The following RTL10 variants were observed in gnomAD, a reference collection of about 807,000 sequenced individuals.
RTL10 encodes retrotransposon Gag like 10, also known as protein Bop.
For missense variants in RTL10, 477 were observed against 470.7 expected (o/e 1.01, Z -0.12); for synonymous variants, 199 against 188.4 (o/e 1.06, Z -0.46).
rs191617472 is a variant in RTL10, at chr22:19,850,825, G to T, written c.*342C>A. The T allele has an allele frequency of 3.8e-6, 5 of 1,304,778 alleles. No individual in the cohort carries two copies. The East Asian group carries it at 1.4e-4, about 37-fold the overall frequency. The allele number at this position is 1,304,778 out of a possible 1,614,324, so 80.8% of individuals were successfully genotyped here. A position where few individuals can be genotyped will look rare whatever the true frequency, so the allele number is the denominator to read the frequency against. ...GACACCAAGGGGGGTGTTTTATGGG[G>T]GTGGAGGTGACAAAGATGATGCAAC... On this transcript the variant is annotated 3_prime_UTR_variant, in exon 3 of 3. Coordinates refer to ENST00000328554, the MANE Select transcript of RTL10 (RefSeq NM_024627.6).
At chr22:19,854,634 T>G (rs1230578195) in intron 1 of RTL10, 26 bp downstream of exon 1, 1 of 152,260 alleles carries the variant, frequency 6.6e-6, no homozygotes, top group African/African-American at 2.4e-5. Flanking sequence ...TGTCTCCAGG[T>G]GCCCCCACAA....
Position 19,847,979 on chromosome 22 carries a change from T to C in RTL10, c.*3188A>G, listed in dbSNP as rs1316490637. On this transcript the variant is annotated 3_prime_UTR_variant, in exon 3 of 3. Coordinates refer to ENST00000328554, the MANE Select transcript of RTL10 (RefSeq NM_024627.6). The stretch of plus-strand genomic sequence containing the variant: ...CTGAATAATCCATTTTACTCGTTAA[T>C]TGGAAACACCTCTAGCCTGTACTAA... The C allele has an allele frequency of 8.1e-6, 8 of 985,088 alleles. No individual in the cohort carries two copies. Among genetic ancestry groups the C allele is most frequent in the South Asian group, 9.4e-5 (2 of 21,288 alleles). The allele number at this position is 985,088 out of a possible 1,614,324, so 61.0% of individuals were successfully genotyped here.
rs1261833841 is a variant in RTL10, at chr22:19,849,680, G to A, written c.*1487C>T. The A allele has an allele frequency of 1.0e-6, 1 of 984,914 alleles. No individual in the cohort carries two copies. Among genetic ancestry groups the A allele is most frequent in the Admixed American group, 6.1e-5 (1 of 16,268 alleles). 61.0% of individuals were successfully genotyped at this position (984,914 alleles called of 1,614,324 possible). A position where few individuals can be genotyped will look rare whatever the true frequency, so the allele number is the denominator to read the frequency against. On this transcript the variant is annotated 3_prime_UTR_variant, in exon 3 of 3. Transcript: ENST00000328554. ...CTGCTCCCGGCCAGTTTCTGAATAA[G>A]TTTAATCAGATGCTTGCTAATTAGT...
At position 19,850,086 on chromosome 22, in the gene RTL10, C is replaced by G; in HGVS notation, c.*1081G>C. 1.0e-6 allele frequency: 1 copy of G among 985,816 alleles called. No individual in the cohort carries two copies. Among genetic ancestry groups the G allele is most frequent in the Non-Finnish European group, 1.2e-6 (1 of 830,276 alleles). 61.1% of individuals were successfully genotyped at this position (985,816 alleles called of 1,614,324 possible). A position where few individuals can be genotyped will look rare whatever the true frequency, so the allele number is the denominator to read the frequency against. ...CCACCCACCCCCTACTCAGCCCCACCCAGCTTCTTTGATCAGACCCTTGGA... is the reference window on the plus strand; with the variant it reads ...CCACCCACCCCCTACTCAGCCCCACGCAGCTTCTTTGATCAGACCCTTGGA... On this transcript the variant is annotated 3_prime_UTR_variant, in exon 3 of 3. Coordinates refer to ENST00000328554, the MANE Select transcript of RTL10 (RefSeq NM_024627.6).
At position 19,850,974 on chromosome 22, in the gene RTL10, G is replaced by A. The variant is rs2145905878; in HGVS notation, c.*193C>T. 1 of 1,408,774 alleles carries A rather than the reference G, an allele frequency of 7.1e-7. No individual in the cohort carries two copies. The highest frequency in any genetic ancestry group is 2.5e-5 in the East Asian group (1 of 39,238). The allele number at this position is 1,408,774 out of a possible 1,614,324, so 87.3% of individuals were successfully genotyped here. ...AGCAGCAGGGAAAGGGCACAGGGCGGAGGTCAAGCTCTGCTGGAGTTGGGG... is the reference window on the plus strand; with the variant it reads ...AGCAGCAGGGAAAGGGCACAGGGCGAAGGTCAAGCTCTGCTGGAGTTGGGG... On this transcript the variant is annotated 3_prime_UTR_variant, in exon 3 of 3. Coordinates refer to ENST00000328554, the MANE Select transcript of RTL10 (RefSeq NM_024627.6).
rs1284857714 is a variant in RTL10, at chr22:19,851,968, C to A, written c.294G>T (p.Trp98Cys). The A allele has an allele frequency of 3.7e-6, 6 of 1,614,020 alleles. No individual in the cohort carries two copies. The highest frequency in any genetic ancestry group is 1.6e-4 in the Middle Eastern group (1 of 6,084). The part of the protein sequence containing the change: ...SSRPHRVDFC[W>C]VPGSDPGTFD... ...AGGTGCCTGGGTCTGAGCCTGGTAC[C>A]CAGCAGAAGTCCACCCTGTGGGGTC... The change falls in exon 3 of 3, where the codon TGG becomes TGT. Residue 98 changes from tryptophan to cysteine, a missense_variant. By Grantham distance (215) the Trp-to-Cys change is radical. Transcript: ENST00000328554.
Position 19,846,443 on chromosome 22 carries a change from C to T in RTL10, c.*4724G>A. ...CCAAGGCTTGGCCATCCCCACTCCT[C>T]AGTATGGGCCCCAGAACCCAGGGCC... On this transcript the variant is annotated 3_prime_UTR_variant, in exon 3 of 3. Transcript: ENST00000328554. 2 of 985,362 alleles carry T rather than the reference C, an allele frequency of 2.0e-6. No individual in the cohort carries two copies. Among genetic ancestry groups the T allele is most frequent in the Non-Finnish European group, 2.4e-6 (2 of 829,846 alleles). The allele number at this position is 985,362 out of a possible 1,614,324, so 61.0% of individuals were successfully genotyped here.
chr22:19,848,307 AC>A lies in RTL10; in HGVS notation c.*2859del. 2 of 985,318 alleles carry A rather than the reference AC, an allele frequency of 2.0e-6. No individual in the cohort carries two copies. Among genetic ancestry groups the A allele is most frequent in the Non-Finnish European group, 2.4e-6 (2 of 829,918 alleles). 61.0% of individuals were successfully genotyped at this position (985,318 alleles called of 1,614,324 possible). On this transcript the variant is annotated 3_prime_UTR_variant, in exon 3 of 3. Transcript: ENST00000328554. The stretch of plus-strand genomic sequence containing the variant: ...GCCCGTCCCTGAGCATGTCCAGCAA[AC>A]CCTGCCAGGCTCTGCAGCTCCTGAG...
In RTL10 at chr22:19,847,803, G is replaced by GGAAAAAAAA. The variant is rs1468350618; in HGVS notation, c.*3363_*3364insTTTTTTTTC. On this transcript the variant is annotated 3_prime_UTR_variant, in exon 3 of 3. Coordinates refer to ENST00000328554, the MANE Select transcript of RTL10 (RefSeq NM_024627.6). ...AACTTTTAAAATCCTGGAATCATAGGCAAAAAAAAAAAAAAAAAAAAATTC... is the reference window on the plus strand; with the variant it reads ...AACTTTTAAAATCCTGGAATCATAGGGAAAAAAAACAAAAAAAAAAAAAAAAAAAAATTC... 6 of 440,432 alleles carry GGAAAAAAAA rather than the reference G, an allele frequency of 1.4e-5. No homozygotes were observed. In the African/African-American group the frequency reaches 2.6e-4, roughly 19 times the overall value. 27.3% of individuals were successfully genotyped at this position (440,432 alleles called of 1,614,324 possible). A position where few individuals can be genotyped will look rare whatever the true frequency, so the allele number is the denominator to read the frequency against.
chr22:19,847,170 G>A lies in RTL10; in HGVS notation c.*3997C>T. On this transcript the variant is annotated 3_prime_UTR_variant, in exon 3 of 3. Coordinates refer to ENST00000328554, the MANE Select transcript of RTL10 (RefSeq NM_024627.6). ...TTTCCCCTGCCTCAGTGAGCATGGA[G>A]AAATATGTCCAGGTAGGCTGTCGTC... is the stretch of plus-strand genomic sequence containing the variant. 2 of 985,444 alleles carry A rather than the reference G, an allele frequency of 2.0e-6. No individual in the cohort carries two copies. Among genetic ancestry groups the A allele is most frequent in the Non-Finnish European group, 2.4e-6 (2 of 829,930 alleles). The allele number at this position is 985,444 out of a possible 1,614,324, so 61.0% of individuals were successfully genotyped here. A position where few individuals can be genotyped will look rare whatever the true frequency, so the allele number is the denominator to read the frequency against.
rs11705143 is a variant in RTL10 at position 19,849,182 on chromosome 22, C to A, written c.*1985G>T. ...CAGCTCACTTGCTTTGCTACCAGGGCTATACCTGCTTTCTAAAAATAGCTT... is the reference window on the plus strand; with the variant it reads ...CAGCTCACTTGCTTTGCTACCAGGGATATACCTGCTTTCTAAAAATAGCTT... On this transcript the variant is annotated 3_prime_UTR_variant, in exon 3 of 3. Transcript: ENST00000328554. 0.083 allele frequency: 81,464 copies of A among 985,118 alleles called. 4,520 individuals are homozygous for A. Among genetic ancestry groups the A allele is most frequent in the African/African-American group, 0.25 (14,327 of 57,248 alleles). 61.0% of individuals were successfully genotyped at this position (985,118 alleles called of 1,614,324 possible).
At chr22:19,852,896 G>C (rs1938143447) in intron 2 of RTL10, among the ~76,000 whole-genome samples, 1 of 152,162 alleles carries the variant, frequency 6.6e-6, no homozygotes, top group Non-Finnish European at 1.5e-5. Flanking sequence ...AGCAAAAACT[G>C]GCTGGAGAGA....
At chr22:19,852,970 A>G (rs1601360218) in intron 2 of RTL10, among the ~76,000 whole-genome samples, 1 of 152,176 alleles carries the variant, frequency 6.6e-6, no homozygotes, top group Non-Finnish European at 1.5e-5. Context: ...AGTAGGCTCT[A>G]GCCGCCCCAA....
chr22:19,851,633 G>A lies in RTL10; in HGVS notation c.629C>T (p.Pro210Leu). 6.3e-7 allele frequency: 1 copy of A among 1,593,902 alleles called. No individual in the cohort carries two copies. Among genetic ancestry groups the A allele is most frequent in the South Asian group, 1.1e-5 (1 of 88,458 alleles). The change falls in exon 3 of 3, where the codon CCT becomes CTT. Residue 210 changes from proline (P) to leucine (L), a missense_variant. Physicochemically the swap from Pro to Leu is moderately conservative, Grantham distance 98. Coordinates refer to ENST00000328554, the MANE Select transcript of RTL10 (RefSeq NM_024627.6). ...SSQLPVAPQLPVVRQYLARFL... is the reference protein window; with the variant it reads ...SSQLPVAPQLLVVRQYLARFL... ...CCTAGCTAAGTATTGCCTCACCACA[G>A]GCAGCTGAGGGGCCACTGGCAGCTG...
intron 2 of RTL10, among the ~76,000 whole-genome samples, chr22:19,853,612 C>A (rs1938162752): frequency 6.6e-6 from 1 of 152,142 alleles, no homozygotes; most frequent in Non-Finnish European, 1.5e-5. Context: ...GGGTGAGTTC[C>A]TCCAGGTACC....
chr22:19,853,407 C>G (rs1938156746), intron 2 of RTL10, among the ~76,000 whole-genome samples: 1 of 152,146 alleles, frequency 6.6e-6, no homozygotes. Flanking sequence ...AAGGAGCCCT[C>G]CTGTAGGGCT....
In RTL10 at chr22:19,846,572, G is replaced by A. The variant is rs1397738040; in HGVS notation, c.*4595C>T. 6 of 984,994 alleles carry A rather than the reference G, an allele frequency of 6.1e-6. No homozygotes were observed. The highest frequency in any genetic ancestry group is 2.3e-4 in the East Asian group (2 of 8,826). 61.0% of individuals were successfully genotyped at this position (984,994 alleles called of 1,614,324 possible). A position where few individuals can be genotyped will look rare whatever the true frequency, so the allele number is the denominator to read the frequency against. ...ACCAGAGAAGCCTATCGCGGGCACC[G>A]CTGTGGGCAGAACTATGTCCCTTCA... is the stretch of plus-strand genomic sequence containing the variant. On this transcript the variant is annotated 3_prime_UTR_variant, in exon 3 of 3. Transcript: ENST00000328554.
At position 19,850,357 on chromosome 22, in the gene RTL10, A is replaced by T; in HGVS notation, c.*810T>A. The T allele has an allele frequency of 3.0e-6, 3 of 986,256 alleles. No homozygotes were observed. Among genetic ancestry groups the T allele is most frequent in the South Asian group, 9.4e-5 (2 of 21,298 alleles). The allele number at this position is 986,256 out of a possible 1,614,324, so 61.1% of individuals were successfully genotyped here. A position where few individuals can be genotyped will look rare whatever the true frequency, so the allele number is the denominator to read the frequency against. Reference sequence around the variant, plus strand: ...GGAGGGAGATCCAAGTCATTTACACACTAGGGCTTAAGTGCTGAATCCGCA... The same window carrying T: ...GGAGGGAGATCCAAGTCATTTACACTCTAGGGCTTAAGTGCTGAATCCGCA... On this transcript the variant is annotated 3_prime_UTR_variant, in exon 3 of 3. Transcript: ENST00000328554.
At position 19,851,257 on chromosome 22, in the gene RTL10, C is replaced by G. The variant is rs1938088766; in HGVS notation, c.1005G>C (p.Glu335Asp). The change falls in exon 3 of 3, where the codon GAG (glutamate) becomes GAC (aspartate). Residue 335 changes from glutamate (E) to aspartate (D), a missense_variant. Physicochemically the swap from Glu to Asp is conservative, Grantham distance 45. Transcript: ENST00000328554. ...TACCTAAGGACACCTCCTGGTCTCC[C>G]TCTGTCTCCAAAACCTCCTCCTCTG... ...QKTEEEVLET[E>D]GDQEVSLGTP... is the part of the protein sequence containing the mutation. The G allele has an allele frequency of 6.2e-7, 1 of 1,609,054 alleles. No individual in the cohort carries two copies. Among genetic ancestry groups the G allele is most frequent in the Non-Finnish European group, 8.5e-7 (1 of 1,177,502 alleles).
Sources: allele counts gnomAD v4.1 joint callset (sites outside exome capture counted in the v4.1 genomes callset), GRCh38; gene constraint gnomAD v4.1.1; transcripts MANE v1.5; gene names NCBI Gene and HGNC (gene_info 2026-07-23, HGNC 2026-07-21).